MIGA2: variants seen among roughly 807,000 people sequenced by gnomAD.
MIGA2 encodes the protein mitoguardin 2.
Under a neutral mutation model 69.9 loss-of-function variants are expected in MIGA2, and 36 were observed. That is an observed-to-expected ratio of 0.52 (90% CI 0.39 to 0.68). The LOEUF is 0.68. MIGA2 is among the 30% of genes least tolerant of loss of function. The pLI, the probability that MIGA2 is intolerant of heterozygous loss-of-function variation, is 0.00. For missense variants in MIGA2, 660 were observed against 787.7 expected (o/e 0.84, Z 1.94); for synonymous variants, 333 against 349.2 (o/e 0.95, Z 0.52).
chr9:129,049,400 C>G lies in MIGA2; in HGVS notation c.440C>G (p.Ser147Cys). 6.2e-7 allele frequency: 1 copy of G among 1,613,468 alleles called. No homozygotes were observed. The highest frequency in any genetic ancestry group is 1.1e-5 in the South Asian group (1 of 90,896). ...SVASMMAVNS[S>C]SPTAACSGLW... ...GCCCAGATGATGGCAGTGAACTCATCCAGCCCCACAGCCGCGTGCTCGGGA... is the reference window on the plus strand; with the variant it reads ...GCCCAGATGATGGCAGTGAACTCATGCAGCCCCACAGCCGCGTGCTCGGGA... The change falls in exon 5 of 16, where the codon TCC (serine) becomes TGC (cysteine). Residue 147 changes from serine to cysteine, a missense_variant. Physicochemically the swap from Ser to Cys is moderately radical, Grantham distance 112. Transcript: ENST00000684074.
At position 129,069,795 on chromosome 9, in the gene MIGA2, T is replaced by C. The variant is rs780465051; in HGVS notation, c.1459-54T>C. 1.5e-5 allele frequency: 18 copies of C among 1,227,104 alleles called. No individual in the cohort carries two copies. In the East Asian group the frequency reaches 3.9e-4, roughly 27 times the overall value. 76.0% of individuals were successfully genotyped at this position (1,227,104 alleles called of 1,614,324 possible). On this transcript the variant is annotated intron_variant, in intron 14 of 15. Transcript: ENST00000684074. This position sits in a 1 kb window ranked among gnomAD's most constrained non-coding sequence, Gnocchi z 4.9. Reference sequence around the variant, plus strand: ...CCCTTTATGCGACACCTGGGCCTGGTGCCCTCATCCTACCTGGGCCCCGCC... The same window carrying C: ...CCCTTTATGCGACACCTGGGCCTGGCGCCCTCATCCTACCTGGGCCCCGCC...
At position 129,070,294 on chromosome 9, in the gene MIGA2, G is replaced by A; in HGVS notation, c.1623G>A (p.Val541=). The change falls in exon 16 of 16, where the codon GTG becomes GTA. Residue 541 remains valine, a synonymous_variant. Coordinates refer to ENST00000684074, the MANE Select transcript of MIGA2 (RefSeq NM_001329990.2). ...GGGACATGTTCGACCTGGACAATGT[G>A]CGCTACACGTCACTGCCCGCGCTGG... is the stretch of plus-strand genomic sequence containing the variant. ...YLRDMFDLDN[V]RYTSLPALAD... The A allele has an allele frequency of 6.2e-7, 1 of 1,613,180 alleles. No individual in the cohort carries two copies. The highest frequency in any genetic ancestry group is 8.5e-7 in the Non-Finnish European group (1 of 1,180,016).
intron 10 of MIGA2, 80 bp from the exon 11 acceptor site, chr9:129,063,465 C>A: frequency 6.4e-7 from 1 of 1,573,128 alleles, no homozygotes; most frequent in Non-Finnish European, 8.7e-7. Flanking sequence ...ACCTACCTGG[C>A]CTCTTATGTG....
Position 129,060,722 on chromosome 9 carries a change from C to CA in MIGA2, c.894+73dup. On this transcript the variant is annotated intron_variant, in intron 8 of 15. Transcript: ENST00000684074. The surrounding 1 kb of genome is among the most constrained non-coding windows in gnomAD (Gnocchi z 4.8). ...CTCCTCTGCAGGTCCATGGGGCCAG[C>CA]ACTGGGTCATGGGAAAGTGGAGGCA... The CA allele has an allele frequency of 7.8e-7, 1 of 1,274,710 alleles. No individual in the cohort carries two copies. Among genetic ancestry groups the CA allele is most frequent in the Non-Finnish European group, 1.1e-6 (1 of 912,266 alleles). 79.0% of individuals were successfully genotyped at this position (1,274,710 alleles called of 1,614,324 possible). A position where few individuals can be genotyped will look rare whatever the true frequency, so the allele number is the denominator to read the frequency against.
intron 3 of MIGA2, among the ~76,000 whole-genome samples, chr9:129,043,230 G>A (rs1307418615): frequency 2.0e-5 from 3 of 152,058 alleles, no homozygotes; most frequent in Admixed American, 1.3e-4. Context: ...TTTGCATGCA[G>A]TAAGATTCGT....
chr9:129,060,034 G>T lies in MIGA2; in HGVS notation c.794-516G>T, dbSNP rs1008246714. Among the ~76,000 whole-genome samples the T allele has an allele frequency of 3.9e-5, 6 of 152,196 alleles. No individual in the cohort carries two copies. Among genetic ancestry groups the T allele is most frequent in the Non-Finnish European group, 8.8e-5 (6 of 68,034 alleles). ...GGCCCGCCGCAGGTCTGTGGCCTTT[G>T]CTTATTTGCTCGACAATCCTTTCCT... On this transcript the variant is annotated intron_variant, in intron 7 of 15. Transcript: ENST00000684074. This position sits in a 1 kb window ranked among gnomAD's most constrained non-coding sequence, Gnocchi z 4.8.
chr9:129,047,656 A>G (rs1845299096), intron 3 of MIGA2, among the ~76,000 whole-genome samples: 2 of 151,002 alleles, frequency 1.3e-5, no homozygotes, highest in Admixed American at 1.3e-4. Context: ...CAAGTGATCC[A>G]CCCACCTCGG....
In MIGA2 at chr9:129,069,535, T is replaced by C; in HGVS notation, c.1459-314T>C. ...GCGACTGGCTGTGCTATCTGGCCTG[T>C]GGTTTGTCGTTCCCCTCTGCGGGCC... is the stretch of plus-strand genomic sequence containing the variant. On this transcript the variant is annotated intron_variant, in intron 14 of 15. Transcript: ENST00000684074. The surrounding 1 kb of genome is among the most constrained non-coding windows in gnomAD (Gnocchi z 4.9). 2.0e-6 allele frequency: 1 copy of C among 510,504 alleles called. No individual in the cohort carries two copies. The highest frequency in any genetic ancestry group is 3.6e-6 in the Non-Finnish European group (1 of 280,552). The allele number at this position is 510,504 out of a possible 1,614,324, so 31.6% of individuals were successfully genotyped here. A position where few individuals can be genotyped will look rare whatever the true frequency, so the allele number is the denominator to read the frequency against.
At position 129,063,634 on chromosome 9, in the gene MIGA2, A is replaced by C; in HGVS notation, c.1170+3A>C. ...GCCTGATGACCAAGGCTGAGAAGGT[A>C]GCAGGGGGTGGGGTGGGGGGGCAAA... On this transcript the variant is annotated splice_donor_region_variant and intron_variant, in intron 11 of 15. Transcript: ENST00000684074. The C allele has an allele frequency of 1.7e-6, 1 of 604,418 alleles. No homozygotes were observed. Among genetic ancestry groups the C allele is most frequent in the South Asian group, 1.4e-5 (1 of 70,134 alleles). 37.4% of individuals were successfully genotyped at this position (604,418 alleles called of 1,614,324 possible). A position where few individuals can be genotyped will look rare whatever the true frequency, so the allele number is the denominator to read the frequency against.
chr9:129,038,228 C>T (rs1328532645), intron 1 of MIGA2, among the ~76,000 whole-genome samples: 1 of 152,188 alleles, frequency 6.6e-6, no homozygotes, highest in African/African-American at 2.4e-5. Flanking sequence ...GCCTGCCCTG[C>T]CCTCTCACAC....
chr9:129,063,655 G>GGGGGGGGC, intron 11 of MIGA2, 24 bp downstream of exon 11: 17 of 645,592 alleles, frequency 2.6e-5, no homozygotes, highest in Non-Finnish European at 4.6e-5. Flanking sequence ...GGGTGGGGGG[G>GGGGGGGGC]CAAATTATAA....
chr9:129,066,518 CA>C (rs1225259874), intron 11 of MIGA2, among the ~76,000 whole-genome samples: 84 of 150,388 alleles, frequency 5.6e-4, no homozygotes, highest in Non-Finnish European at 1.5e-4. Flanking sequence ...ACTAAAAATA[CA>C]AAAAATTAGC....
Position 129,048,484 on chromosome 9 carries a change from G to T in MIGA2, c.365G>T (p.Gly122Val), listed in dbSNP as rs1244033504. ...AGCAAGAGCAACGACACCCTGAGTG[G>T]CATCTCTTCCATTGAGCCCAGCAAG... ...PSSKSNDTLS[G>V]ISSIEPSKHS... is the part of the protein sequence containing the mutation. Residue 122 changes from glycine (G) to valine (V), a missense_variant, in exon 4 of 16, where the codon GGC (glycine) becomes GTC (valine). This residue lies in a region of MIGA2 where 386 missense variants were observed against 402.0 expected (regional missense o/e 0.96). Transcript: ENST00000684074. 1.2e-6 allele frequency: 2 copies of T among 1,614,114 alleles called. No homozygotes were observed. Among genetic ancestry groups the T allele is most frequent in the East Asian group, 2.2e-5 (1 of 44,880 alleles).
At chr9:129,037,300 G>A (rs1457007429) in intron 1 of MIGA2, among the ~76,000 whole-genome samples, 3 of 152,110 alleles carry the variant, frequency 2.0e-5, no homozygotes, top group Admixed American at 6.5e-5. Flanking sequence ...GGGAGGAGGC[G>A]CGTAGGATGA....
At chr9:129,054,968 C>T (rs1845718924) in intron 6 of MIGA2, among the ~76,000 whole-genome samples, 1 of 151,472 alleles carries the variant, frequency 6.6e-6, no homozygotes, top group African/African-American at 2.4e-5. Flanking sequence ...CTCGGCTCAC[C>T]ACAACCTCCA....
At chr9:129,043,384 CTTTTTT>C (rs60096838) in intron 3 of MIGA2, among the ~76,000 whole-genome samples, 1 of 128,348 alleles carries the variant, frequency 7.8e-6, no homozygotes, top group African/African-American at 3.0e-5. Flanking sequence ...TCTGTTCTCT[CTTTTTT>C]TTTTTTTTTT....
chr9:129,038,789 CTTTTTTT>C (rs869238538), intron 1 of MIGA2, among the ~76,000 whole-genome samples: 13 of 89,040 alleles, frequency 1.5e-4, no homozygotes, highest in African/African-American at 3.4e-4. Flanking sequence ...TTTTGTTTGT[CTTTTTTT>C]TTTTTTTTTT....
chr9:129,047,245 T>C (rs1428473872), intron 3 of MIGA2: 2 of 151,586 alleles, frequency 1.3e-5, no homozygotes, highest in African/African-American at 4.9e-5. Flanking sequence ...ACCTGGCTAA[T>C]TTTTTGTGTT....
rs750452261 is a variant in MIGA2 at position 129,061,322 on chromosome 9, G to A, written c.986G>A (p.Gly329Glu). 2.0e-5 allele frequency: 33 copies of A among 1,612,502 alleles called. No individual in the cohort carries two copies. Among genetic ancestry groups the A allele is most frequent in the Non-Finnish European group, 2.8e-5 (33 of 1,179,804 alleles). ...GAGGCCCTGCAGCTGGTGAAGGAGGGGAGAGTGCCTTGCCGGACCCTCAGG... is the reference window on the plus strand; with the variant it reads ...GAGGCCCTGCAGCTGGTGAAGGAGGAGAGAGTGCCTTGCCGGACCCTCAGG... ...YEEALQLVKE[G>E]RVPCRTLRTE... The change falls in exon 9 of 16, where the codon GGG becomes GAG. Residue 329 changes from glycine (G) to glutamate (E), a missense_variant. This residue lies in a region of MIGA2 where 386 missense variants were observed against 402.0 expected (regional missense o/e 0.96). Coordinates refer to ENST00000684074, the MANE Select transcript of MIGA2 (RefSeq NM_001329990.2). The surrounding 1 kb of genome is among the most constrained non-coding windows in gnomAD (Gnocchi z 5.0).
Sources: allele counts gnomAD v4.1 joint callset (sites outside exome capture counted in the v4.1 genomes callset), GRCh38; gene constraint gnomAD v4.1.1; regional missense constraint gnomAD v4.1.1; non-coding constraint Gnocchi (gnomAD v3.1); transcripts MANE v1.5; gene names NCBI Gene and HGNC (gene_info 2026-07-23, HGNC 2026-07-21).